Variants in EPHB1 observed in about 807,000 individuals in gnomAD.
EPHB1 encodes ephrin type-B receptor 1.
Under a neutral mutation model 94.4 loss-of-function variants are expected in EPHB1, and 30 were observed. The ratio of observed to expected loss-of-function variants is 0.32; its 90% CI spans 0.24 to 0.43. EPHB1 has a LOEUF of 0.43. EPHB1 is among the 20% of genes least tolerant of loss of function. EPHB1 has a pLI of 1.00. For synonymous variants in EPHB1, 522 were observed against 489.1 expected, an observed-to-expected ratio of 1.07 and a Z score of -0.89; for missense variants, 1,055 against 1,308.3, an observed-to-expected ratio of 0.81 and a Z score of 2.99.
At chr3:135,166,101 C>G in intron 8 of EPHB1, 25 bp downstream of exon 8, 1 of 1,571,386 alleles carries the variant, frequency 6.4e-7, no homozygotes, top group South Asian at 1.1e-5. Context: ...CTCACTTGCT[C>G]TCCTTGGACC....
intron 3 of EPHB1, among the ~76,000 whole-genome samples, chr3:135,049,394 C>T (rs1364516991): frequency 4.6e-5 from 7 of 152,316 alleles, no homozygotes; most frequent in Admixed American, 6.5e-5. Context: ...AGGCTGGGGT[C>T]GTCACAAAGG....
intron 1 of EPHB1, among the ~76,000 whole-genome samples, chr3:134,882,757 C>CTTTCTTTCTTTCTTTCTTTCTTTCTTTCT (rs1560280390): frequency 1.3e-4 from 2 of 15,268 alleles, no homozygotes; most frequent in African/African-American, 2.2e-4. Flanking sequence ...TTCCTTTCTT[C>CTTTCTTTCTTTCTTTCTTTCTTTCTTTCT]CTTCCTTCCT....
At chr3:134,848,797 T>C (rs2036923156) in intron 1 of EPHB1, among the ~76,000 whole-genome samples, 1 of 152,180 alleles carries the variant, frequency 6.6e-6, no homozygotes, top group Non-Finnish European at 1.5e-5. Context: ...AGCTTCTTCA[T>C]GACTTGCAGC....
At chr3:135,183,247 T>TCTCCCTTCCTTC (rs1559865629) in intron 10 of EPHB1, among the ~76,000 whole-genome samples, 2 of 91,340 alleles carry the variant, frequency 2.2e-5, no homozygotes, top group East Asian at 7.9e-4. Context: ...TCCCTCCCTT[T>TCTCCCTTCCTTC]CTTCCTTCCT....
chr3:135,231,008 A>T (rs1157602099), intron 12 of EPHB1, among the ~76,000 whole-genome samples: 2 of 152,146 alleles, frequency 1.3e-5, no homozygotes, highest in Non-Finnish European at 2.9e-5. Context: ...CTTTGCTGTC[A>T]TGAATAGCGA....
intron 3 of EPHB1, among the ~76,000 whole-genome samples, chr3:135,014,728 G>A (rs1935736081): frequency 6.6e-6 from 1 of 152,180 alleles, no homozygotes; most frequent in Non-Finnish European, 1.5e-5. Context: ...TGCCTGATGA[G>A]AGCATGTGTC....
intron 5 of EPHB1, among the ~76,000 whole-genome samples, chr3:135,142,843 T>A (rs1314052787): frequency 6.6e-6 from 1 of 151,952 alleles, no homozygotes; most frequent in Non-Finnish European, 1.5e-5. Context: ...CTCCGATGAA[T>A]GGGGGCGTGA....
intron 1 of EPHB1, among the ~76,000 whole-genome samples, chr3:134,903,291 C>A (rs933620394): frequency 5.3e-5 from 8 of 152,216 alleles, no homozygotes; most frequent in Non-Finnish European, 1.0e-4. Flanking sequence ...CCAGTCTGGG[C>A]TCCTGCATTC....
At chr3:135,105,674 C>T (rs894391369) in intron 3 of EPHB1, among the ~76,000 whole-genome samples, 12 of 152,186 alleles carry the variant, frequency 7.9e-5, no homozygotes, top group Non-Finnish European at 1.8e-4. Flanking sequence ...AGGGCCCCTC[C>T]AGTGGAGATC....
In EPHB1 at chr3:134,952,036, C is replaced by T; in HGVS notation, c.789C>T (p.Asn263=). ...CTCKPGYEPE[N]SVACKACPAG... Reference sequence around the variant, plus strand: ...GCAAGCCTGGCTATGAGCCTGAGAACAGCGTGGCATGCAAGGGTAAGCTTT... The same window carrying T: ...GCAAGCCTGGCTATGAGCCTGAGAATAGCGTGGCATGCAAGGGTAAGCTTT... Residue 263 remains asparagine (N), a synonymous_variant, in exon 3 of 16, where the codon AAC becomes AAT. Coordinates refer to ENST00000398015, the MANE Select transcript of EPHB1 (RefSeq NM_004441.5). 1 of 1,607,062 alleles carries T rather than the reference C, an allele frequency of 6.2e-7. No homozygotes were observed. The highest frequency in any genetic ancestry group is 1.3e-5 in the African/African-American group (1 of 74,960).
chr3:135,053,851 G>T (rs1937266549), intron 3 of EPHB1, among the ~76,000 whole-genome samples: 1 of 152,064 alleles, frequency 6.6e-6, no homozygotes, highest in African/African-American at 2.4e-5. Flanking sequence ...AAATATCTGG[G>T]TGTGGTGGCA....
intron 6 of EPHB1, among the ~76,000 whole-genome samples, chr3:135,156,784 A>G (rs1259463122): frequency 1.3e-5 from 2 of 152,242 alleles, no homozygotes; most frequent in African/African-American, 4.8e-5. Flanking sequence ...TAGGGCTCTT[A>G]CTTGCTAGAT....
In EPHB1 at chr3:135,063,421, C is replaced by T. The variant is rs571780234; in HGVS notation, c.806-43027C>T. Among the ~76,000 whole-genome samples, 5 of 152,086 alleles carry T rather than the reference C, an allele frequency of 3.3e-5. No individual in the cohort carries two copies. The South Asian group carries it at 1.0e-3, about 32-fold the overall frequency. ...TTTCACCTCCTTGGTTATGTATACTCCTAAGTATTTTATTTGATTTTTTGC... is the reference window on the plus strand; with the variant it reads ...TTTCACCTCCTTGGTTATGTATACTTCTAAGTATTTTATTTGATTTTTTGC... On this transcript the variant is annotated intron_variant, in intron 3 of 15. Coordinates refer to ENST00000398015, the MANE Select transcript of EPHB1 (RefSeq NM_004441.5).
At chr3:134,828,618 C>T (rs901020489) in intron 1 of EPHB1, among the ~76,000 whole-genome samples, 1 of 152,200 alleles carries the variant, frequency 6.6e-6, no homozygotes, top group Non-Finnish European at 1.5e-5. Context: ...ACCTGATGCT[C>T]TGCCTAGCGC....
chr3:134,931,295 A>C (rs751170830), intron 2 of EPHB1, among the ~76,000 whole-genome samples: 2 of 152,246 alleles, frequency 1.3e-5, no homozygotes, highest in Non-Finnish European at 2.9e-5. Context: ...TTAGAAAGGC[A>C]AACCTAGTCC....
intron 4 of EPHB1, among the ~76,000 whole-genome samples, chr3:135,109,928 C>T (rs1186860239): frequency 6.6e-6 from 1 of 152,212 alleles, no homozygotes; most frequent in East Asian, 1.9e-4. Context: ...GCAAGGGAGA[C>T]ATGGTGGGGT....
intron 5 of EPHB1, among the ~76,000 whole-genome samples, chr3:135,133,945 A>G (rs1210572896): frequency 6.6e-6 from 1 of 152,254 alleles, no homozygotes; most frequent in Non-Finnish European, 1.5e-5. Context: ...ATGCAGTGAT[A>G]CTTGGACACT....
intron 2 of EPHB1, among the ~76,000 whole-genome samples, chr3:134,926,193 T>A (rs1427206983): frequency 6.6e-6 from 1 of 152,222 alleles, no homozygotes; most frequent in African/African-American, 2.4e-5. Context: ...AGATCTGTGA[T>A]GCCCAAAGGG....
At chr3:134,878,831 A>G (rs186210292) in intron 1 of EPHB1, among the ~76,000 whole-genome samples, 60 of 152,340 alleles carry the variant, frequency 3.9e-4, no homozygotes, top group African/African-American at 1.2e-3. Context: ...AACAGTCACT[A>G]TGGTACATGG....
Sources: allele counts gnomAD v4.1 joint callset (sites outside exome capture counted in the v4.1 genomes callset), GRCh38; gene constraint gnomAD v4.1.1; transcripts MANE v1.5; gene names NCBI Gene and HGNC (gene_info 2026-07-23, HGNC 2026-07-21).